The following ADAM28 variants were observed in gnomAD, a reference collection of about 807,000 sequenced individuals.
ADAM28 encodes the protein disintegrin and metalloproteinase domain-containing protein 28.
ADAM28 carries 105 observed loss-of-function variants against 101.2 expected under a neutral mutation model. The observed-to-expected ratio is 1.04, with a 90% CI of 0.89 to 1.22. The LOEUF (loss-of-function observed/expected upper bound fraction) is 1.22. Among genes scored for constraint, ADAM28 ranks in the 50% most tolerant of loss-of-function variants. The probability of loss-of-function intolerance (pLI) is 0.00; values close to 1 mark genes in which losing one functional copy is unlikely to be tolerated. For synonymous variants in ADAM28, 322 were observed against 310.6 expected (o/e 1.04, Z -0.39); for missense variants, 1,028 against 945.4 (o/e 1.09, Z -1.15).
In ADAM28 at chr8:24,344,865, T is replaced by G. The variant is rs1563323544; in HGVS notation, c.1990+1281T>G. Among the ~76,000 whole-genome samples the G allele has an allele frequency of 2.0e-5, 3 of 152,248 alleles. 1 individual carries two copies. In the South Asian group the frequency reaches 6.2e-4, roughly 32 times the overall value. On this transcript the variant is annotated intron_variant, in intron 18 of 22. Coordinates refer to ENST00000265769, the MANE Select transcript of ADAM28 (RefSeq NM_014265.6). ...GTAACAATGCATCCACATAAAACTT[T>G]CTAAGTTGTACTTATGAGAATGTAT...
chr8:24,343,709 A>C lies in ADAM28; in HGVS notation c.1990+125A>C, dbSNP rs1005435977. On this transcript the variant is annotated intron_variant, in intron 18 of 22. Transcript: ENST00000265769. ...GAAATTTCTGTTCTGTTGATGTTGA[A>C]TCCACAATATTTATCCCCCAAATCT... 2.0e-5 allele frequency: 16 copies of C among 810,262 alleles called. No individual in the cohort carries two copies. In the African/African-American group the frequency reaches 2.6e-4, roughly 13 times the overall value. The allele number at this position is 810,262 out of a possible 1,614,324, so 50.2% of individuals were successfully genotyped here. A position where few individuals can be genotyped will look rare whatever the true frequency, so the allele number is the denominator to read the frequency against.
At position 24,300,056 on chromosome 8, in the gene ADAM28, G is replaced by A; in HGVS notation, c.129G>A (p.Glu43=). The stretch of plus-strand genomic sequence containing the variant: ...GACTTCATCCACTGCATAAAAGAGA[G>A]GCCAAAGAGCCAGAGCAACAGGTAC... ...PIRLHPLHKR[E]AKEPEQQEQF... Residue 43 remains glutamate, a synonymous_variant, in exon 2 of 23, where the codon GAG becomes GAA. Coordinates refer to ENST00000265769, the MANE Select transcript of ADAM28 (RefSeq NM_014265.6). The A allele has an allele frequency of 6.2e-7, 1 of 1,613,556 alleles. No homozygotes were observed. Among genetic ancestry groups the A allele is most frequent in the Non-Finnish European group, 8.5e-7 (1 of 1,179,916 alleles).
chr8:24,344,238 T>C (rs749231841), intron 18 of ADAM28, among the ~76,000 whole-genome samples: 1 of 151,056 alleles, frequency 6.6e-6, no homozygotes, highest in Non-Finnish European at 1.5e-5. Context: ...CCTCCAGTTG[T>C]TACGAGGAAC....
chr8:24,329,725 C>T (rs140129037), intron 10 of ADAM28, among the ~76,000 whole-genome samples: 3 of 152,038 alleles, frequency 2.0e-5, no homozygotes, highest in Non-Finnish European at 4.4e-5. Flanking sequence ...AATTTGCCAT[C>T]TTTCTTGGAA....
In ADAM28 at chr8:24,297,641, T is replaced by G. The variant is rs150638650; in HGVS notation, c.47-2333T>G. Among the ~76,000 whole-genome samples, 1,076 of 152,336 alleles carry G rather than the reference T, an allele frequency of 7.1e-3. 16 individuals are homozygous for G. Among genetic ancestry groups the G allele is most frequent in the African/African-American group, 0.025 (1,022 of 41,580 alleles). On this transcript the variant is annotated intron_variant, in intron 1 of 22. Coordinates refer to ENST00000265769, the MANE Select transcript of ADAM28 (RefSeq NM_014265.6). ...AAGACTAATTGCATTGATTAGCTAC[T>G]GTAATGTACCAGGCAGCACGTGGGT...
In ADAM28 at chr8:24,355,744, G is replaced by GAGTT. The variant is rs988446316; in HGVS notation, c.*1342_*1345dup. 9.9e-5 allele frequency: 15 copies of GAGTT among 152,210 alleles called. No individual in the cohort carries two copies. Among genetic ancestry groups the GAGTT allele is most frequent in the African/African-American group, 3.4e-4 (14 of 41,558 alleles). The allele number at this position is 152,210 out of a possible 1,614,324, so 9.4% of individuals were successfully genotyped here. ...GGAATTGGTAGATCAGTGACTGCTG[G>GAGTT]AGTTACCTCACACTTTCTTGGTACT... On this transcript the variant is annotated 3_prime_UTR_variant, in exon 23 of 23. Coordinates refer to ENST00000265769, the MANE Select transcript of ADAM28 (RefSeq NM_014265.6).
intron 1 of ADAM28, among the ~76,000 whole-genome samples, chr8:24,295,256 C>G (rs1807806724): frequency 6.6e-6 from 1 of 151,948 alleles, no homozygotes. Context: ...TAATATGTAC[C>G]TATATCTGAA....
intron 10 of ADAM28, 138 bp from the exon 11 acceptor site, chr8:24,329,847 C>CTGTG (rs148363179): frequency 7.7e-5 from 52 of 672,860 alleles, no homozygotes; most frequent in Middle Eastern, 6.4e-4. Context: ...CTCTCTTGCT[C>CTGTG]TGTGTGTGTG....
intron 12 of ADAM28, among the ~76,000 whole-genome samples, chr8:24,331,687 T>C (rs62502743): frequency 0.15 from 23,541 of 152,042 alleles, 1,933 homozygotes; most frequent in East Asian, 0.35. Context: ...AGAGTACAAA[T>C]AGCTTGCTGG....
At chr8:24,311,335 T>C in intron 4 of ADAM28, 26 bp from the exon 5 acceptor site, 1 of 1,588,498 alleles carries the variant, frequency 6.3e-7, no homozygotes, top group Non-Finnish European at 8.6e-7. Context: ...CATGTACTTC[T>C]CTTTACAAAA....
chr8:24,357,775 T>TTC lies in ADAM28; in HGVS notation c.*3372_*3373insCT, dbSNP rs10648027. The TTC allele has an allele frequency of 2.0e-5, 3 of 152,100 alleles. No individual in the cohort carries two copies. The highest frequency in any genetic ancestry group is 2.1e-4 in the South Asian group (1 of 4,826). The allele number at this position is 152,100 out of a possible 1,614,324, so 9.4% of individuals were successfully genotyped here. On this transcript the variant is annotated 3_prime_UTR_variant, in exon 23 of 23. Coordinates refer to ENST00000265769, the MANE Select transcript of ADAM28 (RefSeq NM_014265.6). ...CACTGCAAAACTTTTTTTCCTTTCT[T>TTC]TGTGTCTCTAGTCTCTTCCATTTGT...
chr8:24,304,803 T>A (rs994085598), intron 2 of ADAM28, among the ~76,000 whole-genome samples: 1 of 151,500 alleles, frequency 6.6e-6, no homozygotes, highest in Non-Finnish European at 1.5e-5. Context: ...TAATCCCAAC[T>A]ACTAAGGAGG....
At chr8:24,299,693 G>A in intron 1 of ADAM28, 1 of 207,014 alleles carries the variant, frequency 4.8e-6, no homozygotes. Context: ...ATAAGAAGTG[G>A]GAAAATCCAA....
At chr8:24,348,048 A>G (rs550847154) in intron 18 of ADAM28, among the ~76,000 whole-genome samples, 1 of 152,228 alleles carries the variant, frequency 6.6e-6, no homozygotes, top group East Asian at 1.9e-4. Context: ...ACTTGGGTAT[A>G]AATCCACAAT....
intron 14 of ADAM28, among the ~76,000 whole-genome samples, chr8:24,338,399 A>G (rs79927735): frequency 0.18 from 26,737 of 152,098 alleles, 2,468 homozygotes; most frequent in East Asian, 0.35. Flanking sequence ...AATAACTCTG[A>G]AGTCTCAGAT....
At chr8:24,351,458 C>A in intron 20 of ADAM28, 148 bp downstream of exon 20, 2 of 826,578 alleles carry the variant, frequency 2.4e-6, no homozygotes, top group Non-Finnish European at 4.1e-6. Context: ...TTGTTAAAGG[C>A]AAAAGAGTCC....
intron 18 of ADAM28, 145 bp from the exon 19 acceptor site, chr8:24,349,719 C>T: frequency 1.8e-6 from 1 of 548,764 alleles, no homozygotes; most frequent in Non-Finnish European, 3.3e-6. Flanking sequence ...GATCAAAATA[C>T]TTTTTCATTT....
intron 21 of ADAM28, 53 bp downstream of exon 21, chr8:24,352,105 T>A: frequency 6.7e-7 from 1 of 1,487,174 alleles, no homozygotes; most frequent in Non-Finnish European, 9.4e-7. Flanking sequence ...CCAGGAAATA[T>A]CGGTGAAAGT....
In ADAM28 at chr8:24,349,968, C is replaced by T. The variant is rs779113704; in HGVS notation, c.2095C>T (p.Gln699Ter). 3.7e-6 allele frequency: 6 copies of T among 1,613,192 alleles called. No individual in the cohort carries two copies. In the East Asian group the frequency reaches 1.3e-4, roughly 36 times the overall value. The change falls in exon 19 of 23, where the codon CAG (glutamine) becomes TAG (stop). Residue 699 changes from glutamine (Q) to a stop codon, truncating the protein, a stop_gained. Coordinates refer to ENST00000265769, the MANE Select transcript of ADAM28 (RefSeq NM_014265.6). LOFTEE classifies it high-confidence loss of function. Reference sequence around the variant, plus strand: ...CTCCAGAGAAAAGCAGAAGAAAGATCAGAGGTGATCCTTTATCTTATCTTG... The same window carrying T: ...CTCCAGAGAAAAGCAGAAGAAAGATTAGAGGTGATCCTTTATCTTATCTTG... ...QSSREKQKKD[Q>*]RPLSTTGTRP...
Sources: allele counts gnomAD v4.1 joint callset (sites outside exome capture counted in the v4.1 genomes callset), GRCh38; gene constraint gnomAD v4.1.1; transcripts MANE v1.5; gene names NCBI Gene and HGNC (gene_info 2026-07-23, HGNC 2026-07-21).